Variants in RAB44 observed in about 807,000 individuals in gnomAD.
The protein encoded by RAB44 is RAB44, member RAS oncogene family.
In RAB44, 67 loss-of-function variants were observed where a neutral mutation model predicts 93.3. That is an observed-to-expected ratio of 0.72 (90% CI 0.59 to 0.88). The LOEUF (loss-of-function observed/expected upper bound fraction) is 0.88, where lower values mean the gene tolerates loss of function less well. RAB44 is among the 40% of genes least tolerant of loss of function. The pLI, the probability that RAB44 is intolerant of heterozygous loss-of-function variation, is 0.00. For synonymous variants in RAB44, 427 were observed against 520.3 expected, an observed-to-expected ratio of 0.82 and a Z score of 2.44; for missense variants, 1,064 against 1,261.7, an observed-to-expected ratio of 0.84 and a Z score of 2.37.
chr6:36,723,583 C>A (rs1763152196), intron 9 of RAB44, among the ~76,000 whole-genome samples: 1 of 152,014 alleles, frequency 6.6e-6, no homozygotes, highest in Admixed American at 6.6e-5. Flanking sequence ...CACCTGTAAT[C>A]CCAACACTTT....
At chr6:36,704,074 G>A (rs1465506149) in intron 1 of RAB44, 150 bp from the exon 2 acceptor site, 1 of 687,250 alleles carries the variant, frequency 1.5e-6, no homozygotes, top group African/African-American at 1.8e-5. Context: ...GGGCGACGAG[G>A]TCAGAGGACC....
chr6:36,705,992 T>C (rs557684141), intron 2 of RAB44, among the ~76,000 whole-genome samples: 1 of 152,090 alleles, frequency 6.6e-6, no homozygotes, highest in East Asian at 1.9e-4. Context: ...CTCAAGCTCC[T>C]GGGCTGAAGC....
chr6:36,705,252 C>T (rs1253322444), intron 2 of RAB44, among the ~76,000 whole-genome samples: 1 of 152,084 alleles, frequency 6.6e-6, no homozygotes. Context: ...TAATATCTAA[C>T]AGGCCATCAA....
In RAB44 at chr6:36,721,284, G is replaced by A. The variant is rs1763071577; in HGVS notation, c.1150G>A (p.Ala384Thr). 2.4e-6 allele frequency: 3 copies of A among 1,234,180 alleles called. No homozygotes were observed. Among genetic ancestry groups the A allele is most frequent in the East Asian group, 6.3e-5 (2 of 31,692 alleles). The allele number at this position is 1,234,180 out of a possible 1,614,324, so 76.5% of individuals were successfully genotyped here. The change falls in exon 9 of 14, where the codon GCC (alanine) becomes ACC (threonine). Residue 384 changes from alanine to threonine, a missense_variant. Transcript: ENST00000612677. ...CAACTTTGGCAGCCCTCCGCACGGA[G>A]CCCTGCAGCTCTGCTGGAGCCCGCC... Reference protein sequence around the residue: ...LSNFGSPPHGALQLCWSPPPT... With the variant: ...LSNFGSPPHGTLQLCWSPPPT...
Position 36,717,395 on chromosome 6 carries a change from A to G in RAB44, c.617A>G (p.Glu206Gly), listed in dbSNP as rs1762948389. 5.7e-6 allele frequency: 7 copies of G among 1,232,070 alleles called. No homozygotes were observed. The South Asian group carries it at 2.9e-4, about 51-fold the overall frequency. The allele number at this position is 1,232,070 out of a possible 1,614,324, so 76.3% of individuals were successfully genotyped here. The change falls in exon 5 of 14, where the codon GAG (glutamate) becomes GGG (glycine). Residue 206 changes from glutamate (E) to glycine (G), a missense_variant. Glu to Gly is a moderately conservative substitution (Grantham distance 98, BLOSUM62 -2). Transcript: ENST00000612677. This position sits in a 1 kb window ranked among gnomAD's most constrained non-coding sequence, Gnocchi z 4.1. ...SRLQEAQADK[E>G]ALELTLRKRD... ...CTGCAGGAGGCCCAGGCGGACAAGGAGGCCCTGGAGCTGACCCTGAGGAAG... is the reference window on the plus strand; with the variant it reads ...CTGCAGGAGGCCCAGGCGGACAAGGGGGCCCTGGAGCTGACCCTGAGGAAG...
chr6:36,702,293 GGAGAGAGAGAGA>G (rs567475229), intron 1 of RAB44, among the ~76,000 whole-genome samples: 143 of 115,226 alleles, frequency 1.2e-3, no homozygotes, highest in African/African-American at 2.0e-3. Context: ...CTTCGAAGGG[GGAGAGAGAGAGA>G]GAGAGAGAGA....
At position 36,722,341 on chromosome 6, in the gene RAB44, C is replaced by G; in HGVS notation, c.2207C>G (p.Pro736Arg). 3.0e-6 allele frequency: 4 copies of G among 1,344,250 alleles called. No homozygotes were observed. The highest frequency in any genetic ancestry group is 3.8e-6 in the Non-Finnish European group (4 of 1,049,328). The allele number at this position is 1,344,250 out of a possible 1,614,324, so 83.3% of individuals were successfully genotyped here. A position where few individuals can be genotyped will look rare whatever the true frequency, so the allele number is the denominator to read the frequency against. Reference sequence around the variant, plus strand: ...CAGGTGGAAGCAGAAGGCCCCACTCCTGGAAAATCGGCACCTCCAAGGGGC... The same window carrying G: ...CAGGTGGAAGCAGAAGGCCCCACTCGTGGAAAATCGGCACCTCCAAGGGGC... Reference protein sequence around the residue: ...QAQVEAEGPTPGKSAPPRGSP... With the variant: ...QAQVEAEGPTRGKSAPPRGSP... Residue 736 changes from proline to arginine, a missense_variant, in exon 9 of 14, where the codon CCT becomes CGT. Transcript: ENST00000612677.
At position 36,722,053 on chromosome 6, in the gene RAB44, C is replaced by T. The variant is rs866506932; in HGVS notation, c.1919C>T (p.Ala640Val). The change falls in exon 9 of 14, where the codon GCG becomes GTG. Residue 640 changes from alanine (A) to valine (V), a missense_variant. Ala to Val is a moderately conservative substitution (Grantham distance 64, BLOSUM62 0). Coordinates refer to ENST00000612677, the MANE Select transcript of RAB44 (RefSeq NM_001257357.2). ...ERLEQGQAGP[A>V]VQEGLPEGLR... is the part of the protein sequence containing the mutation. ...CTGGAGCAGGGCCAGGCGGGCCCAG[C>T]GGTGCAGGAGGGCCTTCCTGAGGGG... 2.4e-4 allele frequency: 300 copies of T among 1,234,468 alleles called. No homozygotes were observed. The highest frequency in any genetic ancestry group is 2.9e-4 in the Non-Finnish European group (288 of 988,400). The allele number at this position is 1,234,468 out of a possible 1,614,324, so 76.5% of individuals were successfully genotyped here.
At position 36,715,399 on chromosome 6, in the gene RAB44, G is replaced by A. The variant is rs796883048; in HGVS notation, c.320-80G>A. On this transcript the variant is annotated intron_variant, in intron 3 of 13. Transcript: ENST00000612677. Reference sequence around the variant, plus strand: ...CACAGGTAGAATTACTTCCCTGAGGGCTGGACCAGGGCTGGGTGGGAGGCC... The same window carrying A: ...CACAGGTAGAATTACTTCCCTGAGGACTGGACCAGGGCTGGGTGGGAGGCC... 1.9e-5 allele frequency: 25 copies of A among 1,319,700 alleles called. No homozygotes were observed. The South Asian group carries it at 2.6e-4, about 14-fold the overall frequency. 81.7% of individuals were successfully genotyped at this position (1,319,700 alleles called of 1,614,324 possible).
chr6:36,718,599 G>A lies in RAB44; in HGVS notation c.828+11G>A, dbSNP rs1762987505. The A allele has an allele frequency of 8.2e-7, 1 of 1,221,192 alleles. No individual in the cohort carries two copies. Among genetic ancestry groups the A allele is most frequent in the African/African-American group, 1.6e-5 (1 of 64,298 alleles). The allele number at this position is 1,221,192 out of a possible 1,614,324, so 75.6% of individuals were successfully genotyped here. A position where few individuals can be genotyped will look rare whatever the true frequency, so the allele number is the denominator to read the frequency against. On this transcript the variant is annotated intron_variant, in intron 7 of 13. Coordinates refer to ENST00000612677, the MANE Select transcript of RAB44 (RefSeq NM_001257357.2). ...GAGGGCCAGAGGGAGGTGAGTAATA[G>A]GGTTTCCCAGAAACCTACTTCCGAA... is the stretch of plus-strand genomic sequence containing the variant.
chr6:36,715,448 G>A, intron 3 of RAB44, 31 bp from the exon 4 acceptor site: 1 of 1,533,730 alleles, frequency 6.5e-7, no homozygotes, highest in East Asian at 2.4e-5. Flanking sequence ...CAACACCACT[G>A]TGCTCCCCTC....
intron 3 of RAB44, among the ~76,000 whole-genome samples, 185 bp from the exon 4 acceptor site, chr6:36,715,294 C>G (rs554019666): frequency 6.6e-6 from 1 of 152,236 alleles, no homozygotes; most frequent in Admixed American, 6.5e-5. Flanking sequence ...AGGTACTCAT[C>G]TGTAAAATGG....
intron 2 of RAB44, among the ~76,000 whole-genome samples, chr6:36,711,616 G>A (rs1160828968): frequency 6.6e-6 from 1 of 152,102 alleles, no homozygotes; most frequent in Non-Finnish European, 1.5e-5. Context: ...TTATTTTTAG[G>A]AGAATTAGAG....
At chr6:36,701,118 C>T (rs1762498818) in intron 1 of RAB44, among the ~76,000 whole-genome samples, 1 of 152,052 alleles carries the variant, frequency 6.6e-6, no homozygotes. Context: ...ATTAGAAAGA[C>T]TTTTTTTCTG....
chr6:36,728,861 G>A, intron 12 of RAB44, 60 bp downstream of exon 12: 3 of 1,380,338 alleles, frequency 2.2e-6, no homozygotes, highest in Non-Finnish European at 3.0e-6. Flanking sequence ...CTCCCTGGCA[G>A]GTGGTGGATA....
In RAB44 at chr6:36,722,630, C is replaced by G. The variant is rs1485376149; in HGVS notation, c.2496C>G (p.Tyr832Ter). The change falls in exon 9 of 14, where the codon TAC becomes TAG. Residue 832 changes from tyrosine to a stop codon, truncating the protein, a stop_gained. Transcript: ENST00000612677. LOFTEE classifies it high-confidence loss of function. ...GGGGACCCCAGGCCAACCCTGATTACCTCTTCCATGTCATCTTTCTGGGAG... is the reference window on the plus strand; with the variant it reads ...GGGGACCCCAGGCCAACCCTGATTAGCTCTTCCATGTCATCTTTCTGGGAG... ...AGGGPQANPD[Y>*]LFHVIFLGDS... 1 of 1,550,672 alleles carries G rather than the reference C, an allele frequency of 6.4e-7. No homozygotes were observed. The highest frequency in any genetic ancestry group is 2.0e-5 in the Admixed American group (1 of 51,010).
intron 1 of RAB44, among the ~76,000 whole-genome samples, chr6:36,698,928 T>C (rs1562048609): frequency 6.6e-6 from 1 of 152,106 alleles, no homozygotes; most frequent in Non-Finnish European, 1.5e-5. Flanking sequence ...TTGCTGTCTC[T>C]GAGGGACCAG....
chr6:36,718,144 C>T (rs1383150089), intron 6 of RAB44, 26 bp downstream of exon 6: 3 of 1,224,456 alleles, frequency 2.5e-6, no homozygotes, highest in Non-Finnish European at 3.1e-6. Context: ...CAGCCTGCCT[C>T]CTTCCCACTG....
chr6:36,724,116 T>G (rs1247146299), intron 9 of RAB44, among the ~76,000 whole-genome samples: 1 of 151,718 alleles, frequency 6.6e-6, no homozygotes, highest in Non-Finnish European at 1.5e-5. Context: ...GGTCACAGGT[T>G]CTACAACACT....
Sources: allele counts gnomAD v4.1 joint callset (sites outside exome capture counted in the v4.1 genomes callset), GRCh38; gene constraint gnomAD v4.1.1; non-coding constraint Gnocchi (gnomAD v3.1); transcripts MANE v1.5; gene names NCBI Gene and HGNC (gene_info 2026-07-23, HGNC 2026-07-21).